Variants in LRP1B observed in about 807,000 individuals in gnomAD.
LRP1B encodes the protein LDL receptor related protein 1B.
Under a neutral mutation model 556.6 loss-of-function variants are expected in LRP1B, and 217 were observed. That is an observed-to-expected ratio of 0.39 (90% confidence interval 0.35 to 0.44). The LOEUF (loss-of-function observed/expected upper bound fraction) is 0.44, where lower values mean the gene tolerates loss of function less well. Ranked by LOEUF, LRP1B falls within the 20% of genes least tolerant of loss-of-function variation. The pLI, the probability that LRP1B is intolerant of heterozygous loss-of-function variation, is 1.00. For missense variants in LRP1B, 5,053 were observed against 5,620.8 expected (o/e 0.90, Z 3.23); for synonymous variants, 2,047 against 1,865.8 (o/e 1.10, Z -2.50).
chr2:141,351,185 C>A (rs1688430596), intron 3 of LRP1B, among the ~76,000 whole-genome samples: 1 of 151,886 alleles, frequency 6.6e-6, no homozygotes, highest in African/African-American at 2.4e-5. Context: ...TCAAGAAAAT[C>A]AAAGGAATCA....
Position 140,544,849 on chromosome 2 carries a change from T to A in LRP1B, c.7195-2878A>T, listed in dbSNP as rs554991988. On this transcript the variant is annotated intron_variant, in intron 43 of 90. Transcript: ENST00000389484. ...TTGGGTATATACCCAGTAATGGGAC[T>A]GCTGGGTCGAATGGTATCTCTATTT... Among the ~76,000 whole-genome samples the A allele has an allele frequency of 2.0e-5, 3 of 152,270 alleles. No homozygotes were observed. In the South Asian group the frequency reaches 6.2e-4, roughly 32 times the overall value.
At chr2:141,264,806 T>G (rs1282565021) in intron 3 of LRP1B, among the ~76,000 whole-genome samples, 5 of 152,188 alleles carry the variant, frequency 3.3e-5, no homozygotes, top group Admixed American at 6.5e-5. Flanking sequence ...GGGTTTTGTT[T>G]TGTTTTTTAA....
chr2:141,984,015 C>T (rs1214280764), intron 1 of LRP1B, among the ~76,000 whole-genome samples: 4 of 152,072 alleles, frequency 2.6e-5, no homozygotes, highest in African/African-American at 9.7e-5. Context: ...GAACCAAGAT[C>T]GTACCATTGC....
chr2:141,642,942 C>A (rs1432827813), intron 2 of LRP1B, among the ~76,000 whole-genome samples: 1 of 151,872 alleles, frequency 6.6e-6, no homozygotes, highest in African/African-American at 2.4e-5. Flanking sequence ...GTTGCCAATA[C>A]AATTAAAGGG....
In LRP1B at chr2:141,005,437, T is replaced by G; in HGVS notation, c.2401A>C (p.Asn801His). Reference sequence around the variant, plus strand: ...CAAAGTGTACTACAGCCCCCATTATTTACTCGGCACATATTGTCACCTGCA... The same window carrying G: ...CAAAGTGTACTACAGCCCCCATTATGTACTCGGCACATATTGTCACCTGCA... Reference protein sequence around the residue: ...KQQGDNMCRVNNGGCSTLCLA... With the variant: ...KQQGDNMCRVHNGGCSTLCLA... Residue 801 changes from asparagine to histidine, a missense_variant, in exon 15 of 91, where the codon AAT becomes CAT. Around this residue, in one of 5 missense-constraint regions of LRP1B, gnomAD observed 3,619 missense variants for 3,931.9 expected, o/e 0.92. Transcript: ENST00000389484. The G allele has an allele frequency of 6.2e-7, 1 of 1,610,914 alleles. No homozygotes were observed. The highest frequency in any genetic ancestry group is 2.2e-5 in the East Asian group (1 of 44,716).
rs566003305 is a variant in LRP1B at position 140,380,876 on chromosome 2, C to A, written c.10532-2590G>T. On this transcript the variant is annotated intron_variant, in intron 67 of 90. Coordinates refer to ENST00000389484, the MANE Select transcript of LRP1B (RefSeq NM_018557.3). ...CCACAGAATGCTCATTTTCTAGAGA[C>A]TTTGTCCTAACATTATTAATTATTC... Among the ~76,000 whole-genome samples, 166 of 152,242 alleles carry A rather than the reference C, an allele frequency of 1.1e-3. 2 individuals carry two copies. The highest frequency in any genetic ancestry group is 3.4e-3 in the Middle Eastern group (1 of 294).
intron 3 of LRP1B, among the ~76,000 whole-genome samples, chr2:141,326,594 C>T (rs1437215585): frequency 1.3e-5 from 2 of 152,066 alleles, no homozygotes; most frequent in African/African-American, 4.8e-5. Flanking sequence ...ACTTTGTCCC[C>T]CAGAAACATT....
intron 3 of LRP1B, among the ~76,000 whole-genome samples, chr2:141,422,270 T>C (rs1192248283): frequency 6.6e-6 from 1 of 152,180 alleles, no homozygotes; most frequent in East Asian, 1.9e-4. Flanking sequence ...GTACTAACCT[T>C]AAGGTAAATT....
intron 60 of LRP1B, among the ~76,000 whole-genome samples, chr2:140,463,972 G>T (rs1275617507): frequency 5.3e-5 from 8 of 152,092 alleles, no homozygotes; most frequent in African/African-American, 1.9e-4. Flanking sequence ...GAGGTGGGCA[G>T]ATCACCTGAG....
intron 86 of LRP1B, among the ~76,000 whole-genome samples, chr2:140,252,466 C>T (rs890115702): frequency 6.6e-6 from 1 of 151,872 alleles, no homozygotes; most frequent in African/African-American, 2.4e-5. Flanking sequence ...CGCACATGTT[C>T]AAATAATCTG....
At chr2:141,509,146 G>C (rs1298159219) in intron 2 of LRP1B, among the ~76,000 whole-genome samples, 1 of 152,054 alleles carries the variant, frequency 6.6e-6, no homozygotes, top group Admixed American at 6.6e-5. Flanking sequence ...AAGAAAGAAA[G>C]ATACTTCCTC....
chr2:140,944,251 C>A lies in LRP1B; in HGVS notation c.3136+5984G>T, dbSNP rs564063683. Reference sequence around the variant, plus strand: ...TTGAAACCTTGAACAGACCAGTAACCAGTTCTGAAGCTGAATCAATAATAA... The same window carrying A: ...TTGAAACCTTGAACAGACCAGTAACAAGTTCTGAAGCTGAATCAATAATAA... On this transcript the variant is annotated intron_variant, in intron 20 of 90. Coordinates refer to ENST00000389484, the MANE Select transcript of LRP1B (RefSeq NM_018557.3). 7.9e-5 allele frequency among the ~76,000 whole-genome samples: 12 copies of A among 151,992 alleles called. No homozygotes were observed. The East Asian group carries it at 1.9e-3, about 24-fold the overall frequency.
chr2:140,932,914 C>CACACACAT (rs767618295), intron 20 of LRP1B, among the ~76,000 whole-genome samples: 496 of 150,018 alleles, frequency 3.3e-3, no homozygotes, highest in Non-Finnish European at 5.9e-3. Flanking sequence ...CACACACACA[C>CACACACAT]ACATATATAT....
At chr2:141,842,590 A>G (rs985391493) in intron 1 of LRP1B, among the ~76,000 whole-genome samples, 11 of 152,146 alleles carry the variant, frequency 7.2e-5, no homozygotes, top group South Asian at 2.1e-4. Flanking sequence ...AAATGTGTCA[A>G]TTATGATTAT....
In LRP1B at chr2:141,544,821, A is replaced by G. The variant is rs538040330; in HGVS notation, c.206-64288T>C. On this transcript the variant is annotated intron_variant, in intron 2 of 90. Coordinates refer to ENST00000389484, the MANE Select transcript of LRP1B (RefSeq NM_018557.3). ...GCTGGGACTACAAATGTGCACCACC[A>G]CTCCCAGCTAATTTTTGTATTTTTG... 4.6e-5 allele frequency among the ~76,000 whole-genome samples: 7 copies of G among 150,988 alleles called. No individual in the cohort carries two copies. The South Asian group carries it at 1.5e-3, about 32-fold the overall frequency.
At chr2:140,593,542 C>T (rs906385212) in intron 43 of LRP1B, among the ~76,000 whole-genome samples, 4 of 152,238 alleles carry the variant, frequency 2.6e-5, no homozygotes, top group African/African-American at 4.8e-5. Context: ...CATTCAGTTT[C>T]CTATCACTGA....
intron 10 of LRP1B, among the ~76,000 whole-genome samples, chr2:141,051,249 C>G (rs1699026989): frequency 6.6e-6 from 1 of 152,058 alleles, no homozygotes; most frequent in Non-Finnish European, 1.5e-5. Context: ...ATCAGAAATA[C>G]TATTTTACTC....
intron 2 of LRP1B, among the ~76,000 whole-genome samples, chr2:141,768,856 T>C (rs1471074719): frequency 6.9e-5 from 10 of 145,726 alleles, no homozygotes; most frequent in Admixed American, 6.8e-4. Context: ...GGTATCACTG[T>C]ATTAAGAGAT....
At chr2:141,775,858 T>TTTC (rs1278022828) in intron 2 of LRP1B, among the ~76,000 whole-genome samples, 2 of 151,338 alleles carry the variant, frequency 1.3e-5, no homozygotes, top group African/African-American at 2.4e-5. Flanking sequence ...TTTTTTTTTT[T>TTTC]CTGAGACGGA....
Sources: allele counts gnomAD v4.1 joint callset (sites outside exome capture counted in the v4.1 genomes callset), GRCh38; gene constraint gnomAD v4.1.1; regional missense constraint gnomAD v4.1.1; transcripts MANE v1.5; gene names NCBI Gene and HGNC (gene_info 2026-07-23, HGNC 2026-07-21).